NXPH1: variants seen among roughly 807,000 people sequenced by gnomAD.
NXPH1 encodes neurexophilin 1.
Under a neutral mutation model 23.7 loss-of-function variants are expected in NXPH1, and 5 were observed. The observed-to-expected ratio is 0.21, with a 90% CI of 0.11 to 0.44. NXPH1 has a LOEUF of 0.44. Ranked by LOEUF, NXPH1 falls within the 20% of genes least tolerant of loss-of-function variation. The pLI is 0.99. For synonymous variants in NXPH1, 144 were observed against 122.2 expected (o/e 1.18, Z -1.18); for missense variants, 324 against 321.6 (o/e 1.01, Z -0.06).
intron 2 of NXPH1, among the ~76,000 whole-genome samples, chr7:8,549,994 C>A (rs2128619508): frequency 6.6e-6 from 1 of 151,692 alleles, no homozygotes; most frequent in East Asian, 2.0e-4. Flanking sequence ...AAGTTTGTAT[C>A]TGGTGATATA....
intron 2 of NXPH1, among the ~76,000 whole-genome samples, chr7:8,502,901 G>C (rs938476309): frequency 1.3e-5 from 2 of 151,964 alleles, no homozygotes; most frequent in Non-Finnish European, 2.9e-5. Flanking sequence ...AAGCTGCTGG[G>C]TGCTAGGTGG....
intron 2 of NXPH1, among the ~76,000 whole-genome samples, chr7:8,606,333 C>T (rs566063141): frequency 8.5e-5 from 13 of 152,226 alleles, no homozygotes; most frequent in African/African-American, 2.9e-4. Context: ...TACGTAACCC[C>T]TAACCACATA....
Position 8,506,258 on chromosome 7 carries a change from T to C in NXPH1, c.54+70491T>C, listed in dbSNP as rs75724022. Among the ~76,000 whole-genome samples the C allele has an allele frequency of 4.8e-3, 733 of 152,242 alleles. 2 individuals are homozygous for C. Among genetic ancestry groups the C allele is most frequent in the African/African-American group, 0.017 (696 of 41,566 alleles). On this transcript the variant is annotated intron_variant, in intron 2 of 2. Coordinates refer to ENST00000405863, the MANE Select transcript of NXPH1 (RefSeq NM_152745.3). ...CCTTGCCTGGATTGAAGGAATTCTG[T>C]TACTCCAAGGGAAGACCAAAGAGTC... is the stretch of plus-strand genomic sequence containing the variant.
chr7:8,732,123 C>A (rs1225074663), intron 2 of NXPH1, among the ~76,000 whole-genome samples: 1 of 152,232 alleles, frequency 6.6e-6, no homozygotes, highest in Non-Finnish European at 1.5e-5. Context: ...ATCTGTCACC[C>A]CTTTCTTTGA....
intron 2 of NXPH1, among the ~76,000 whole-genome samples, chr7:8,642,308 A>C (rs541957548): frequency 6.6e-6 from 1 of 152,208 alleles, no homozygotes; most frequent in African/African-American, 2.4e-5. Flanking sequence ...TGTCTTACAG[A>C]TTCCAATGTT....
intron 2 of NXPH1, among the ~76,000 whole-genome samples, chr7:8,490,075 A>G (rs796507559): frequency 2.6e-5 from 4 of 152,196 alleles, no homozygotes; most frequent in African/African-American, 9.6e-5. Flanking sequence ...TCAGTATCCT[A>G]CTGACTTAGT....
chr7:8,688,181 G>A (rs190842220), intron 2 of NXPH1, among the ~76,000 whole-genome samples: 12 of 152,228 alleles, frequency 7.9e-5, no homozygotes, highest in Admixed American at 2.0e-4. Flanking sequence ...ATGCACAGCT[G>A]ACTGATCAAA....
intron 2 of NXPH1, among the ~76,000 whole-genome samples, chr7:8,750,203 G>T (rs1780540261): frequency 6.6e-6 from 1 of 152,152 alleles, no homozygotes; most frequent in Non-Finnish European, 1.5e-5. Context: ...GTTTTGACCG[G>T]TTAAAATATA....
chr7:8,626,073 A>G, intron 2 of NXPH1, among the ~76,000 whole-genome samples: 1 of 151,994 alleles, frequency 6.6e-6, no homozygotes, highest in South Asian at 2.1e-4. Flanking sequence ...ATTTTTTCTC[A>G]TATGTTGGGA....
At chr7:8,748,894 G>A (rs1489418645) in intron 2 of NXPH1, among the ~76,000 whole-genome samples, 2 of 152,146 alleles carry the variant, frequency 1.3e-5, no homozygotes. Context: ...TCTTTCTGTG[G>A]TGAGAATAGT....
At chr7:8,613,830 A>G (rs964578959) in intron 2 of NXPH1, among the ~76,000 whole-genome samples, 2 of 151,858 alleles carry the variant, frequency 1.3e-5, no homozygotes, top group Admixed American at 6.6e-5. Context: ...TATCTTGGCC[A>G]TCTTTTTTCA....
At chr7:8,487,477 AC>A (rs1401467337) in intron 2 of NXPH1, among the ~76,000 whole-genome samples, 1 of 151,890 alleles carries the variant, frequency 6.6e-6, no homozygotes, top group Non-Finnish European at 1.5e-5. Flanking sequence ...AATCAATTAA[AC>A]CCCTTTCCTT....
At chr7:8,500,157 C>G (rs1180760890) in intron 2 of NXPH1, among the ~76,000 whole-genome samples, 2 of 152,006 alleles carry the variant, frequency 1.3e-5, no homozygotes, top group African/African-American at 4.8e-5. Flanking sequence ...TCCTGGATCC[C>G]AAAGAGGGCA....
chr7:8,511,193 A>G (rs1225171414), intron 2 of NXPH1, among the ~76,000 whole-genome samples: 1 of 152,166 alleles, frequency 6.6e-6, no homozygotes, highest in East Asian at 1.9e-4. Flanking sequence ...ACCCTTAGTG[A>G]TAACAGGCAA....
At chr7:8,693,334 G>T (rs1315506711) in intron 2 of NXPH1, among the ~76,000 whole-genome samples, 3 of 152,150 alleles carry the variant, frequency 2.0e-5, no homozygotes, top group Non-Finnish European at 4.4e-5. Context: ...AGAGAGGGAT[G>T]CTTATACACA....
At chr7:8,642,292 C>T (rs1030105559) in intron 2 of NXPH1, among the ~76,000 whole-genome samples, 4 of 152,174 alleles carry the variant, frequency 2.6e-5, no homozygotes, top group South Asian at 2.1e-4. Flanking sequence ...AAAGACATTG[C>T]TCTGTTGTCT....
At chr7:8,448,002 C>G (rs1353113691) in intron 2 of NXPH1, among the ~76,000 whole-genome samples, 1 of 152,236 alleles carries the variant, frequency 6.6e-6, no homozygotes, top group Admixed American at 6.5e-5. Flanking sequence ...AGAGAGCAAA[C>G]AGGCCTGTTT....
intron 2 of NXPH1, among the ~76,000 whole-genome samples, chr7:8,629,386 A>G (rs1163921769): frequency 6.6e-6 from 1 of 152,134 alleles, no homozygotes; most frequent in Non-Finnish European, 1.5e-5. Flanking sequence ...GAAATTATAG[A>G]CAATTTGTAA....
intron 2 of NXPH1, among the ~76,000 whole-genome samples, chr7:8,732,090 A>G (rs1377378513): frequency 6.6e-6 from 1 of 152,206 alleles, no homozygotes; most frequent in Non-Finnish European, 1.5e-5. Flanking sequence ...TTCGGGTGGG[A>G]GTGACCCAAT....
Sources: allele counts gnomAD v4.1 joint callset (sites outside exome capture counted in the v4.1 genomes callset), GRCh38; gene constraint gnomAD v4.1.1; transcripts MANE v1.5; gene names NCBI Gene and HGNC (gene_info 2026-07-23, HGNC 2026-07-21).